Variants in ANO7 observed in about 807,000 individuals in gnomAD.
The protein encoded by ANO7 is anoctamin-7.
ANO7 carries 114 observed loss-of-function variants against 115.8 expected under a neutral mutation model. That is an observed-to-expected ratio of 0.98 (90% CI 0.85 to 1.15). ANO7 has a LOEUF of 1.15. ANO7 is among the 50% of genes most tolerant of loss of function. ANO7 has a pLI of 0.00. For synonymous variants in ANO7, 550 were observed against 498.2 expected, an observed-to-expected ratio of 1.10 and a Z score of -1.38; for missense variants, 1,302 against 1,201.2, an observed-to-expected ratio of 1.08 and a Z score of -1.24.
chr2:241,200,371 G>A (rs934469730), intron 6 of ANO7, 146 bp downstream of exon 6: 10 of 1,157,892 alleles, frequency 8.6e-6, no homozygotes, highest in South Asian at 1.6e-5. Flanking sequence ...CACGCTTATC[G>A]CGTGTCTGCA....
At chr2:241,209,244 C>T (rs191531839) in intron 11 of ANO7, 41 bp from the exon 12 acceptor site, 50 of 1,529,602 alleles carry the variant, frequency 3.3e-5, no homozygotes, top group Non-Finnish European at 4.1e-5. Context: ...AAGGGGCCTC[C>T]AGTCCCAAGC....
Position 241,190,135 on chromosome 2 carries a change from G to C in ANO7, c.72G>C (p.Lys24Asn), listed in dbSNP as rs758800409. 4 of 1,577,314 alleles carry C rather than the reference G, an allele frequency of 2.5e-6. No homozygotes were observed. In the South Asian group the frequency reaches 4.7e-5, roughly 18 times the overall value. ...LIDVSPPEAE[K>N]RGSYGSTAHA... ...ATGTGAGCCCCCCTGAGGCAGAGAAGAGGGGCTCTTACGGGAGCACAGCCC... is the reference window on the plus strand; with the variant it reads ...ATGTGAGCCCCCCTGAGGCAGAGAACAGGGGCTCTTACGGGAGCACAGCCC... The change falls in exon 2 of 25, where the codon AAG becomes AAC. Residue 24 changes from lysine to asparagine, a missense_variant. Transcript: ENST00000674324.
intron 5 of ANO7, among the ~76,000 whole-genome samples, 187 bp from the exon 6 acceptor site, chr2:241,199,902 C>T (rs1306052698): frequency 1.3e-5 from 2 of 152,226 alleles, no homozygotes; most frequent in Non-Finnish European, 2.9e-5. Context: ...GCTGAGCAGC[C>T]TCAGAGCCTG....
intron 21 of ANO7, among the ~76,000 whole-genome samples, chr2:241,218,912 T>C (rs1371935773): frequency 6.6e-6 from 1 of 152,232 alleles, no homozygotes; most frequent in Admixed American, 6.5e-5. Flanking sequence ...AATTCACACA[T>C]AACACCAGTA....
chr2:241,238,415 C>T, the ANO7 span: 3 of 361,854 alleles, frequency 8.3e-6, no homozygotes, highest in African/African-American at 6.3e-5. This position sits in a 1 kb window ranked among gnomAD's most constrained non-coding sequence, Gnocchi z 4.9. Flanking sequence ...TTGGGACTGG[C>T]TACCTTGTGT....
intron 21 of ANO7, among the ~76,000 whole-genome samples, chr2:241,221,406 T>C (rs1464362703): frequency 6.6e-6 from 1 of 151,728 alleles, no homozygotes; most frequent in African/African-American, 2.4e-5. Flanking sequence ...TGGGACAGAG[T>C]CTTGCTCTGT....
At position 241,190,051 on chromosome 2, in the gene ANO7, G is replaced by C. The variant is rs1490169239; in HGVS notation, c.-7-6G>C. 1 of 1,564,980 alleles carries C rather than the reference G, an allele frequency of 6.4e-7. No individual in the cohort carries two copies. Among genetic ancestry groups the C allele is most frequent in the Non-Finnish European group, 8.7e-7 (1 of 1,154,988 alleles). ...CCCCATCCCCACCCGGCCTTGCTGGGTGCAGGAGCAGGATGCTGCGGCGAC... is the reference window on the plus strand; with the variant it reads ...CCCCATCCCCACCCGGCCTTGCTGGCTGCAGGAGCAGGATGCTGCGGCGAC... On this transcript the variant is annotated splice_polypyrimidine_tract_variant and splice_region_variant and intron_variant, in intron 1 of 24. Coordinates refer to ENST00000674324, the MANE Select transcript of ANO7 (RefSeq NM_001370694.2).
the ANO7 span, chr2:241,239,800 G>A: frequency 6.2e-7 from 1 of 1,613,878 alleles, no homozygotes; most frequent in Non-Finnish European, 8.5e-7. The surrounding 1 kb of genome is among the most constrained non-coding windows in gnomAD (Gnocchi z 4.6). Context: ...CCACCAGCAT[G>A]GAGTCTTCCA....
At position 241,223,663 on chromosome 2, in the gene ANO7, AT is replaced by A; in HGVS notation, c.2415del (p.His805GlnfsTer25). 3 of 1,612,456 alleles carry A rather than the reference AT, an allele frequency of 1.9e-6. No homozygotes were observed. The highest frequency in any genetic ancestry group is 2.5e-6 in the Non-Finnish European group (3 of 1,179,184). On this transcript the variant is annotated frameshift_variant and splice_region_variant, in exon 23 of 25. Transcript: ENST00000674324. LOFTEE classifies it high-confidence loss of function. ...GTGAGTGCCTTCCTCTGCTCCCAGC[AT>A]GTGGTTTTCTCCGTTGGCCGCCTCC... ...IRLAFVIVFE[H>X]VVFSVGRLLD...
intron 6 of ANO7, among the ~76,000 whole-genome samples, chr2:241,200,538 C>T (rs1335983950): frequency 6.6e-6 from 1 of 152,210 alleles, no homozygotes; most frequent in Non-Finnish European, 1.5e-5. Context: ...TCTCTCAGGG[C>T]CCGGGCGATG....
Position 241,224,298 on chromosome 2 carries a change from C to T in ANO7, c.*145C>T. The T allele has an allele frequency of 1.1e-6, 1 of 895,420 alleles. No individual in the cohort carries two copies. The highest frequency in any genetic ancestry group is 1.7e-6 in the Non-Finnish European group (1 of 594,960). 55.5% of individuals were successfully genotyped at this position (895,420 alleles called of 1,614,324 possible). A position where few individuals can be genotyped will look rare whatever the true frequency, so the allele number is the denominator to read the frequency against. On this transcript the variant is annotated 3_prime_UTR_variant, in exon 25 of 25. Transcript: ENST00000674324. The stretch of plus-strand genomic sequence containing the variant: ...CATCTCTGGGCACATTGCCTGCTTC[C>T]CCCCAGCGCCGGCTTCTCTCCTCAG...
At position 241,203,774 on chromosome 2, in the gene ANO7, C is replaced by T. The variant is rs1011225387; in HGVS notation, c.889+276C>T. On this transcript the variant is annotated intron_variant, in intron 9 of 24. Transcript: ENST00000674324. This position sits in a 1 kb window ranked among gnomAD's most constrained non-coding sequence, Gnocchi z 4.8. The stretch of plus-strand genomic sequence containing the variant: ...TGGGGGTCTCTCCTGACTCCCTCCC[C>T]GAATGTCACTGGCCCATGAGGCCCT... Among the ~76,000 whole-genome samples, 128 of 152,142 alleles carry T rather than the reference C, an allele frequency of 8.4e-4. 1 individual carries two copies. The highest frequency in any genetic ancestry group is 3.4e-3 in the Middle Eastern group (1 of 294).
the ANO7 span, among the ~76,000 whole-genome samples, chr2:241,232,409 G>A: frequency 6.6e-6 from 1 of 152,100 alleles, no homozygotes; most frequent in Non-Finnish European, 1.5e-5. Context: ...CCGAGTAGCT[G>A]GGATTACAGG....
At chr2:241,194,179 A>ATTTTTTTTTTTT (rs59855055) in intron 3 of ANO7, among the ~76,000 whole-genome samples, 3 of 124,004 alleles carry the variant, frequency 2.4e-5, no homozygotes, top group African/African-American at 2.9e-5. Flanking sequence ...CTGGCCTTTA[A>ATTTTTTTTTTTT]TTTTTTTTTT....
rs753622099 is a variant in ANO7 at position 241,204,862 on chromosome 2, C to T, written c.890-3C>T. The T allele has an allele frequency of 1.9e-6, 3 of 1,613,396 alleles. No individual in the cohort carries two copies. Among genetic ancestry groups the T allele is most frequent in the South Asian group, 2.2e-5 (2 of 91,032 alleles). ...TGGTGGACCCCTGCCATCCTCTCTACAGGGTTTTACACAGGCTGGCTCCTG... is the reference window on the plus strand; with the variant it reads ...TGGTGGACCCCTGCCATCCTCTCTATAGGGTTTTACACAGGCTGGCTCCTG... On this transcript the variant is annotated splice_polypyrimidine_tract_variant and splice_region_variant and intron_variant, in intron 9 of 24. Transcript: ENST00000674324.
At chr2:241,238,695 C>T in the ANO7 span, 2 of 1,588,902 alleles carry the variant, frequency 1.3e-6, no homozygotes, top group Non-Finnish European at 1.7e-6. This position sits in a 1 kb window ranked among gnomAD's most constrained non-coding sequence, Gnocchi z 4.9. Context: ...CACTGAAATC[C>T]CGAGTAATCT....
At chr2:241,230,382 G>C (rs1354000259), downstream of ANO7, 1 of 730,082 alleles carries the variant, frequency 1.4e-6, no homozygotes, top group African/African-American at 1.8e-5. The surrounding 1 kb of genome is among the most constrained non-coding windows in gnomAD (Gnocchi z 5.0). Context: ...TTTAAAATCT[G>C]GTTTCAGAGT....
At chr2:241,239,398 C>T in the ANO7 span, among the ~76,000 whole-genome samples, 2 of 151,644 alleles carry the variant, frequency 1.3e-5, no homozygotes, top group East Asian at 1.9e-4. The surrounding 1 kb of genome is among the most constrained non-coding windows in gnomAD (Gnocchi z 4.6). Flanking sequence ...AAGTGCTTCT[C>T]GCAGGCAGAA....
At chr2:241,215,029 G>A (rs997299459) in intron 18 of ANO7, 127 bp downstream of exon 18, 12 of 846,222 alleles carry the variant, frequency 1.4e-5, no homozygotes, top group Admixed American at 1.1e-4. Flanking sequence ...TGCCTGGGGA[G>A]GGGGAGGGGG....
Sources: gnomAD v4.1 joint callset for allele counts (sites outside exome capture counted in the v4.1 genomes callset) on GRCh38, gnomAD v4.1.1 for gene constraint, Gnocchi (gnomAD v3.1) non-coding constraint, MANE v1.5 for transcripts, NCBI Gene and HGNC (gene_info 2026-07-23, HGNC 2026-07-21) for gene names.